The following USP9X variants were observed in gnomAD, a reference collection of about 807,000 sequenced individuals.
USP9X encodes ubiquitin specific peptidase 9 X-linked.
A neutral mutation model predicts 190.3 loss-of-function variants in USP9X; 7 were observed. The observed-to-expected ratio is 0.04, with a 90% CI of 0.02 to 0.07. The LOEUF (loss-of-function observed/expected upper bound fraction) is 0.07, where lower values mean the gene tolerates loss of function less well. USP9X is among the 10% of genes least tolerant of loss of function. USP9X has a pLI of 1.00. For synonymous variants in USP9X, 645 were observed against 659.5 expected, an observed-to-expected ratio of 0.98 and a Z score of 0.34; for missense variants, 1,010 against 1,916.9, an observed-to-expected ratio of 0.53 and a Z score of 8.83.
intron 21 of USP9X, among the ~76,000 whole-genome samples, chrX:41,178,522 GTCT>G (rs1171009564): frequency 1.8e-5 from 2 of 111,607 alleles, no homozygotes; most frequent in Admixed American, 9.6e-5. Flanking sequence ...CCATTTGGAT[GTCT>G]TCTTTTGAGA....
chrX:41,188,464 T>C (rs1019937581), intron 25 of USP9X, among the ~76,000 whole-genome samples: 2 of 112,185 alleles, frequency 1.8e-5, no homozygotes, highest in Non-Finnish European at 3.8e-5. Context: ...TGGTATGGCA[T>C]TTAAGTATTT....
intron 27 of USP9X, 108 bp from the exon 28 acceptor site, chrX:41,196,484 T>A: frequency 9.2e-7 from 1 of 1,092,871 alleles, no homozygotes; most frequent in Admixed American, 2.7e-5. Flanking sequence ...AAGTACTACT[T>A]TATTTCCCGC....
At chrX:41,110,848 A>G (rs1049341914) in intron 1 of USP9X, among the ~76,000 whole-genome samples, 1 of 111,642 alleles carries the variant, frequency 9.0e-6, no homozygotes, top group Non-Finnish European at 1.9e-5. Flanking sequence ...AGAGATTGAA[A>G]GTGTTGAGAT....
At chrX:41,128,520 C>G (rs1038810749) in intron 2 of USP9X, among the ~76,000 whole-genome samples, 1 of 111,744 alleles carries the variant, frequency 8.9e-6, no homozygotes, top group Admixed American at 9.5e-5. Context: ...CATAAACTTT[C>G]AATTATTTTA....
chrX:41,103,950 A>G (rs1298823883), intron 1 of USP9X, among the ~76,000 whole-genome samples: 2 of 112,028 alleles, frequency 1.8e-5, no homozygotes, highest in African/African-American at 3.2e-5. Context: ...GTAGCACCAC[A>G]TAATTTTATC....
chrX:41,131,680 C>A, intron 4 of USP9X, 144 bp downstream of exon 4: 1 of 404,837 alleles, frequency 2.5e-6, no homozygotes, highest in Non-Finnish European at 4.1e-6. Flanking sequence ...ATCCTTTGGA[C>A]ATTCTTAAAG....
chrX:41,154,226 T>A, intron 14 of USP9X, among the ~76,000 whole-genome samples: 1 of 111,590 alleles, frequency 9.0e-6, no homozygotes, highest in East Asian at 2.8e-4. Context: ...ATTTTAGTCT[T>A]AGGTTCCTTC....
chrX:41,138,317 T>C (rs1030496960), intron 6 of USP9X, among the ~76,000 whole-genome samples: 2 of 111,719 alleles, frequency 1.8e-5, no homozygotes, highest in Non-Finnish European at 1.9e-5. Context: ...CTAAGAGATA[T>C]GTAATAGCCT....
chrX:41,167,628 A>C, intron 17 of USP9X, 51 bp downstream of exon 17: 1 of 934,669 alleles, frequency 1.1e-6, no homozygotes, highest in Non-Finnish European at 1.5e-6. Context: ...TTCGGCCCCC[A>C]TTTCTCTTAT....
rs139529941 is a variant in USP9X at position 41,135,471 on chromosome X, C to T, written c.435+634C>T. ...CCCAAGTGACTAGCAGAAGCAAACA[C>T]AATTCCTCTCTGCAAATACCTTCCA... On this transcript the variant is annotated intron_variant, in intron 5 of 44. Transcript: ENST00000378308. 9.3e-3 allele frequency among the ~76,000 whole-genome samples: 1,037 copies of T among 111,775 alleles called. 18 individuals carry two copies. Among genetic ancestry groups the T allele is most frequent in the African/African-American group, 0.033 (1,000 of 30,722 alleles).
At position 41,130,438 on chromosome X, in the gene USP9X, G is replaced by T. The variant is rs1395150795; in HGVS notation, c.243-1019G>T. On this transcript the variant is annotated intron_variant, in intron 3 of 44. Transcript: ENST00000378308. ...ATATTATTAGCAAGTTCTCAGGGGG[G>T]AGAAAAATACAAATGATTTTTTTTT... Among the ~76,000 whole-genome samples, 3 of 109,057 alleles carry T rather than the reference G, an allele frequency of 2.8e-5. No homozygotes were observed. In the East Asian group the frequency reaches 8.5e-4, roughly 31 times the overall value. The allele number at this position is 109,057 out of a possible 115,157, so 94.7% of individuals were successfully genotyped here. A position where few individuals can be genotyped will look rare whatever the true frequency, so the allele number is the denominator to read the frequency against.
chrX:41,230,643 A>G, intron 44 of USP9X, 47 bp downstream of exon 44: 1 of 1,056,604 alleles, frequency 9.5e-7, no homozygotes, highest in Non-Finnish European at 1.3e-6. Context: ...ACTGGGTTTT[A>G]TGCTTAATTT....
At chrX:41,134,203 T>G (rs938764822) in intron 4 of USP9X, among the ~76,000 whole-genome samples, 2 of 112,258 alleles carry the variant, frequency 1.8e-5, no homozygotes, top group Non-Finnish European at 3.8e-5. Flanking sequence ...TAGTTTTTAT[T>G]TGGTCATTAA....
At chrX:41,144,097 TTAAA>T (rs967778109) in intron 10 of USP9X, among the ~76,000 whole-genome samples, 14 of 111,971 alleles carry the variant, frequency 1.3e-4, no homozygotes, top group African/African-American at 4.5e-4. Context: ...AATTGTCAAA[TTAAA>T]TAAATTGTAT....
intron 39 of USP9X, among the ~76,000 whole-genome samples, chrX:41,223,976 A>G (rs1412262846): frequency 1.8e-5 from 2 of 110,969 alleles, no homozygotes; most frequent in Non-Finnish European, 3.8e-5. Context: ...AGGCCAAGGC[A>G]GGAGAATCAC....
intron 1 of USP9X, among the ~76,000 whole-genome samples, chrX:41,106,522 A>ATT (rs35038623): frequency 0.14 from 8,109 of 58,779 alleles, 1,144 homozygotes; most frequent in African/African-American, 0.15. Flanking sequence ...TTCTGAATTA[A>ATT]TTTTTTTTTT....
rs375834568 is a variant in USP9X at position 41,159,724 on chromosome X, A to G, written c.1898-3066A>G. 2.3e-4 allele frequency among the ~76,000 whole-genome samples: 25 copies of G among 110,083 alleles called. No individual in the cohort carries two copies. The East Asian group carries it at 6.9e-3, about 30-fold the overall frequency. ...TTTTTTTTGTAGAAACGGTTTCGCC[A>G]TGTTGGCCAGGCTGGTCTCAAACTC... On this transcript the variant is annotated intron_variant, in intron 14 of 44. Coordinates refer to ENST00000378308, the MANE Select transcript of USP9X (RefSeq NM_001039591.3).
At position 41,225,155 on chromosome X, in the gene USP9X, G is replaced by T; in HGVS notation, c.7061+18G>T. Reference sequence around the variant, plus strand: ...ACTCACAGGTGGATACTCTTTTTGTGACTGGAAACAATTAGGCTTGCCCAG... The same window carrying T: ...ACTCACAGGTGGATACTCTTTTTGTTACTGGAAACAATTAGGCTTGCCCAG... On this transcript the variant is annotated intron_variant, in intron 41 of 44. Transcript: ENST00000378308. 8.4e-7 allele frequency: 1 copy of T among 1,194,747 alleles called. No homozygotes were observed. Among genetic ancestry groups the T allele is most frequent in the South Asian group, 1.8e-5 (1 of 56,068 alleles).
At chrX:41,191,931 C>G (rs1032945585) in intron 26 of USP9X, among the ~76,000 whole-genome samples, 3 of 111,480 alleles carry the variant, frequency 2.7e-5, no homozygotes, top group African/African-American at 9.8e-5. Flanking sequence ...AGTGCGCTCT[C>G]TCTCTCCCTT....
Sources: gnomAD v4.1 joint callset for allele counts (sites outside exome capture counted in the v4.1 genomes callset) on GRCh38, gnomAD v4.1.1 for gene constraint, MANE v1.5 for transcripts, NCBI Gene and HGNC (gene_info 2026-07-23, HGNC 2026-07-21) for gene names.